SYT17: variants seen among roughly 807,000 people sequenced by gnomAD.
SYT17 encodes synaptotagmin-17.
Under a neutral mutation model 46.7 loss-of-function variants are expected in SYT17, and 22 were observed. The ratio of observed to expected loss-of-function variants is 0.47; its 90% CI spans 0.34 to 0.67. The LOEUF (loss-of-function observed/expected upper bound fraction) is 0.67. SYT17 is among the 30% of genes least tolerant of loss of function. The pLI is 0.01. For missense variants in SYT17, 519 were observed against 612.8 expected (o/e 0.85, Z 1.62); for synonymous variants, 251 against 248.4 (o/e 1.01, Z -0.10).
At chr16:19,180,874 C>A (rs1964524429) in intron 4 of SYT17, among the ~76,000 whole-genome samples, 1 of 152,136 alleles carries the variant, frequency 6.6e-6, no homozygotes, top group African/African-American at 2.4e-5. Context: ...CAGGGTTTGT[C>A]AATTCTGGTG....
At chr16:19,205,438 CTT>C (rs34776896) in intron 5 of SYT17, among the ~76,000 whole-genome samples, 2 of 133,146 alleles carry the variant, frequency 1.5e-5, no homozygotes, top group African/African-American at 5.4e-5. Flanking sequence ...CCTTCCTTGA[CTT>C]TTTTTTTTTT....
chr16:19,219,896 A>G (rs1966244357), intron 5 of SYT17, among the ~76,000 whole-genome samples: 1 of 152,186 alleles, frequency 6.6e-6, no homozygotes, highest in African/African-American at 2.4e-5. Context: ...AAAAGGAAAT[A>G]TCACTGTGAC....
chr16:19,223,040 T>C lies in SYT17; in HGVS notation c.952-5T>C. The C allele has an allele frequency of 1.9e-6, 3 of 1,613,998 alleles. No homozygotes were observed. Among genetic ancestry groups the C allele is most frequent in the South Asian group, 1.1e-5 (1 of 91,070 alleles). ...CAACTTCCTGATCATTTCCTTTCTCTACAGAATGAAGTGGAGCTGGGGGAG... is the reference window on the plus strand; with the variant it reads ...CAACTTCCTGATCATTTCCTTTCTCCACAGAATGAAGTGGAGCTGGGGGAG... On this transcript the variant is annotated splice_region_variant and splice_polypyrimidine_tract_variant and intron_variant, in intron 5 of 7. Coordinates refer to ENST00000355377, the MANE Select transcript of SYT17 (RefSeq NM_016524.4).
chr16:19,244,497 C>G (rs1967381996), intron 7 of SYT17, among the ~76,000 whole-genome samples: 1 of 151,740 alleles, frequency 6.6e-6, no homozygotes, highest in Non-Finnish European at 1.5e-5. Flanking sequence ...CCGTGCCTGC[C>G]ATTTTAAAAA....
At chr16:19,264,212 C>T (rs1326580631) in intron 7 of SYT17, among the ~76,000 whole-genome samples, 1 of 152,194 alleles carries the variant, frequency 6.6e-6, no homozygotes, top group Admixed American at 6.5e-5. Context: ...TGTTTATAAG[C>T]CACCCAGTTT....
intron 3 of SYT17, among the ~76,000 whole-genome samples, chr16:19,176,513 T>C (rs187255485): frequency 3.9e-5 from 6 of 152,336 alleles, no homozygotes; most frequent in African/African-American, 7.2e-5. Context: ...ATTTCTACCA[T>C]TGTTATGCAG....
At chr16:19,251,687 C>T (rs746074440) in intron 7 of SYT17, among the ~76,000 whole-genome samples, 1 of 152,118 alleles carries the variant, frequency 6.6e-6, no homozygotes, top group Non-Finnish European at 1.5e-5. Context: ...GAAAGCTGGT[C>T]CCAGACAGTT....
At chr16:19,255,678 AGGAACCT>A (rs1391413317) in intron 7 of SYT17, among the ~76,000 whole-genome samples, 2 of 152,162 alleles carry the variant, frequency 1.3e-5, no homozygotes, top group Non-Finnish European at 2.9e-5. Context: ...CCAGCTACTC[AGGAACCT>A]GAGCCAGGAG....
chr16:19,252,903 C>T (rs1968291477), intron 7 of SYT17, among the ~76,000 whole-genome samples: 1 of 152,094 alleles, frequency 6.6e-6, no homozygotes. Flanking sequence ...CTCCAGCGTG[C>T]ATCAGAATCA....
chr16:19,247,631 C>G (rs557622333), intron 7 of SYT17, among the ~76,000 whole-genome samples: 24 of 152,272 alleles, frequency 1.6e-4, no homozygotes, highest in African/African-American at 5.8e-4. Flanking sequence ...AACTCCTTGC[C>G]CCGCAGAAGA....
chr16:19,224,775 A>G lies in SYT17; in HGVS notation c.1165A>G (p.Asn389Asp). 1 of 1,614,124 alleles carries G rather than the reference A, an allele frequency of 6.2e-7. No individual in the cohort carries two copies. Among genetic ancestry groups the G allele is most frequent in the Non-Finnish European group, 8.5e-7 (1 of 1,179,972 alleles). The change falls in exon 7 of 8, where the codon AAT becomes GAT. Residue 389 changes from asparagine (N) to aspartate (D), a missense_variant. Asn to Asp is a conservative substitution (Grantham distance 23). Transcript: ENST00000355377. ...FLRGTIDPFYNESFSFKVPQE... is the reference protein window; with the variant it reads ...FLRGTIDPFYDESFSFKVPQE... The stretch of plus-strand genomic sequence containing the variant: ...AAGGGGCACAATTGATCCTTTCTAC[A>G]ATGAATCCTTCAGCTTCAAAGTTCC...
intron 5 of SYT17, among the ~76,000 whole-genome samples, chr16:19,185,192 C>T (rs1964735602): frequency 6.6e-6 from 1 of 151,858 alleles, no homozygotes. Context: ...CTCCCCTCTT[C>T]CCTTCCTTCT....
At chr16:19,248,401 C>G (rs1418678733) in intron 7 of SYT17, among the ~76,000 whole-genome samples, 3 of 152,004 alleles carry the variant, frequency 2.0e-5, no homozygotes, top group Non-Finnish European at 2.9e-5. Context: ...AAACATATGT[C>G]TACAAAAAAA....
rs1254138853 is a variant in SYT17, at chr16:19,178,129, G to GCTGGAGTGCAGTGGTGCAATCTCGCTCA, written c.183-2258_183-2231dup. On this transcript the variant is annotated intron_variant, in intron 3 of 7. Coordinates refer to ENST00000355377, the MANE Select transcript of SYT17 (RefSeq NM_016524.4). ...GACGGAGTCTAGCTCTGTCGCCCAG[G>GCTGGAGTGCAGTGGTGCAATCTCGCTCA]CTGGAGTGCAGTGGTGCAATCTCGC... Among the ~76,000 whole-genome samples the GCTGGAGTGCAGTGGTGCAATCTCGCTCA allele has an allele frequency of 2.2e-4, 34 of 152,112 alleles. No homozygotes were observed. The East Asian group carries it at 6.6e-3, about 29-fold the overall frequency.
At chr16:19,250,902 AT>A (rs1968013985) in intron 7 of SYT17, among the ~76,000 whole-genome samples, 1 of 152,266 alleles carries the variant, frequency 6.6e-6, no homozygotes, top group South Asian at 2.1e-4. Flanking sequence ...CAGGGCAGCC[AT>A]CATCCTGACC....
intron 7 of SYT17, among the ~76,000 whole-genome samples, chr16:19,256,432 C>T (rs1968564487): frequency 2.5e-5 from 2 of 80,788 alleles, no homozygotes; most frequent in South Asian, 9.9e-4. Context: ...TTTAACCCCT[C>T]TTCAAACACA....
chr16:19,220,516 C>T (rs112464558), intron 5 of SYT17, among the ~76,000 whole-genome samples: 67 of 152,082 alleles, frequency 4.4e-4, no homozygotes, highest in African/African-American at 1.4e-3. Flanking sequence ...CCAGGTTGGT[C>T]TTGAACTCGT....
At chr16:19,250,688 T>G (rs1176074019) in intron 7 of SYT17, among the ~76,000 whole-genome samples, 2 of 151,654 alleles carry the variant, frequency 1.3e-5, no homozygotes, top group Admixed American at 1.3e-4. Context: ...GTGCTGGGAT[T>G]ACAGGCGTGA....
chr16:19,251,828 T>C (rs1968096174), intron 7 of SYT17, among the ~76,000 whole-genome samples: 1 of 152,154 alleles, frequency 6.6e-6, no homozygotes. Context: ...CCTAGACTGC[T>C]GTGAGGGTGG....
Sources: gnomAD v4.1 joint callset for allele counts (sites outside exome capture counted in the v4.1 genomes callset) on GRCh38, gnomAD v4.1.1 for gene constraint, MANE v1.5 for transcripts, NCBI Gene and HGNC (gene_info 2026-07-23, HGNC 2026-07-21) for gene names.